Variants in KCNIP4 observed in about 807,000 individuals in gnomAD.
KCNIP4 encodes Kv channel-interacting protein 4.
In KCNIP4, 12 loss-of-function variants were observed where a neutral mutation model predicts 34.0. The observed-to-expected ratio is 0.35, with a 90% CI of 0.23 to 0.57. The LOEUF (loss-of-function observed/expected upper bound fraction) is 0.57, where lower values mean the gene tolerates loss of function less well. Among genes scored for constraint, KCNIP4 ranks in the 20% least tolerant of loss-of-function variants. The pLI is 0.83. For synonymous variants in KCNIP4, 124 were observed against 102.2 expected (o/e 1.21, Z -1.29); for missense variants, 238 against 311.7 (o/e 0.76, Z 1.78).
At chr4:21,290,724 C>G (rs531021987) in intron 1 of KCNIP4, among the ~76,000 whole-genome samples, 14 of 152,168 alleles carry the variant, frequency 9.2e-5, no homozygotes, top group African/African-American at 3.4e-4. Flanking sequence ...AGAGAGGAAA[C>G]CAAGCTTAGA....
At chr4:21,568,527 C>A (rs936802965) in intron 1 of KCNIP4, among the ~76,000 whole-genome samples, 2 of 152,116 alleles carry the variant, frequency 1.3e-5, no homozygotes, top group Non-Finnish European at 2.9e-5. Flanking sequence ...TCTGGGTGGG[C>A]ACCATCTAAT....
intron 1 of KCNIP4, among the ~76,000 whole-genome samples, chr4:21,870,548 A>G (rs1725728069): frequency 2.6e-5 from 4 of 152,246 alleles, no homozygotes. Flanking sequence ...CTGCTTTTGC[A>G]TACTTGACCT....
chr4:21,031,026 C>A (rs539617908), intron 1 of KCNIP4, among the ~76,000 whole-genome samples: 7 of 152,252 alleles, frequency 4.6e-5, no homozygotes, highest in Admixed American at 3.9e-4. Flanking sequence ...ATAGAAGCAA[C>A]CCTCATCCAA....
intron 1 of KCNIP4, among the ~76,000 whole-genome samples, chr4:21,722,935 G>A (rs893207357): frequency 6.6e-5 from 10 of 152,176 alleles, no homozygotes; most frequent in South Asian, 2.1e-4. Flanking sequence ...AAGATTCTCC[G>A]TGTTAACAAC....
chr4:21,321,385 G>A (rs1714397558), intron 1 of KCNIP4, among the ~76,000 whole-genome samples: 2 of 152,138 alleles, frequency 1.3e-5, no homozygotes, highest in Admixed American at 6.6e-5. Context: ...CCTATTATGT[G>A]GCTAAGTGAC....
At chr4:21,355,229 A>G (rs899124438) in intron 1 of KCNIP4, among the ~76,000 whole-genome samples, 20 of 152,192 alleles carry the variant, frequency 1.3e-4, no homozygotes, top group African/African-American at 4.3e-4. Context: ...ACCTAACATC[A>G]CAATTAAAAT....
rs201745735 is a variant in KCNIP4 at position 21,553,142 on chromosome 4, G to C, written c.61+395429C>G. On this transcript the variant is annotated intron_variant, in intron 1 of 8. Coordinates refer to ENST00000382152, the MANE Select transcript of KCNIP4 (RefSeq NM_025221.6). ...AGAAAATAACATCTGAAAGCTTAAA[G>C]GGGGGGGTCATAAAAGAGTTGGAAT... Among the ~76,000 whole-genome samples, 91 of 105,004 alleles carry C rather than the reference G, an allele frequency of 8.7e-4. 2 individuals carry two copies. The Admixed American group carries it at 0.01, about 12-fold the overall frequency. The allele number at this position is 105,004 out of a possible 152,430, so 68.9% of individuals were successfully genotyped here.
intron 1 of KCNIP4, among the ~76,000 whole-genome samples, chr4:21,457,696 G>A (rs916600293): frequency 1.3e-5 from 2 of 152,040 alleles, no homozygotes; most frequent in Admixed American, 6.6e-5. Flanking sequence ...GATGGAAGAA[G>A]TGAGGGTATG....
At chr4:20,942,592 G>A (rs1731753864) in intron 1 of KCNIP4, among the ~76,000 whole-genome samples, 2 of 152,172 alleles carry the variant, frequency 1.3e-5, no homozygotes, top group African/African-American at 4.8e-5. Context: ...TGACACTGAG[G>A]GAGGGTTAAA....
intron 1 of KCNIP4, among the ~76,000 whole-genome samples, chr4:21,253,068 C>T (rs1219786283): frequency 6.6e-6 from 1 of 152,320 alleles, no homozygotes; most frequent in East Asian, 1.9e-4. Context: ...CATCAAAAGA[C>T]ACACTCATAC....
intron 1 of KCNIP4, among the ~76,000 whole-genome samples, chr4:21,510,207 C>T (rs1487288847): frequency 1.3e-5 from 2 of 150,800 alleles, no homozygotes. Flanking sequence ...GCCTGTACTT[C>T]AAAAAAAACT....
chr4:21,184,635 G>A (rs1755082802), intron 1 of KCNIP4, among the ~76,000 whole-genome samples: 1 of 152,148 alleles, frequency 6.6e-6, no homozygotes, highest in African/African-American at 2.4e-5. Flanking sequence ...TTCGTTCTCT[G>A]CCATGATCAT....
At chr4:21,382,435 G>C (rs1253692702) in intron 1 of KCNIP4, among the ~76,000 whole-genome samples, 1 of 152,154 alleles carries the variant, frequency 6.6e-6, no homozygotes, top group South Asian at 2.1e-4. Context: ...GCAGTATAAT[G>C]ATCCAAGAGG....
intron 1 of KCNIP4, among the ~76,000 whole-genome samples, chr4:21,037,808 T>G (rs1296703064): frequency 2.0e-5 from 3 of 152,196 alleles, no homozygotes; most frequent in Non-Finnish European, 4.4e-5. Context: ...ACTTGGATTT[T>G]TTTTTTTACA....
intron 1 of KCNIP4, among the ~76,000 whole-genome samples, chr4:21,032,251 A>G (rs992742003): frequency 6.6e-6 from 1 of 152,004 alleles, no homozygotes; most frequent in Non-Finnish European, 1.5e-5. Context: ...CTTGACATGG[A>G]CTGTTTTGTG....
chr4:21,881,223 G>A (rs918305093), intron 1 of KCNIP4, among the ~76,000 whole-genome samples: 14 of 151,904 alleles, frequency 9.2e-5, no homozygotes, highest in Admixed American at 2.6e-4. Flanking sequence ...TTTGTTTTCC[G>A]CTAAAGACAT....
At chr4:20,920,936 C>T (rs1004893947) in intron 1 of KCNIP4, among the ~76,000 whole-genome samples, 1 of 152,124 alleles carries the variant, frequency 6.6e-6, no homozygotes, top group Non-Finnish European at 1.5e-5. Context: ...TTGCAGTGAG[C>T]CAAGTCACGC....
chr4:21,124,300 G>T (rs186619326), intron 1 of KCNIP4, among the ~76,000 whole-genome samples: 2 of 152,208 alleles, frequency 1.3e-5, no homozygotes, highest in East Asian at 3.9e-4. Context: ...TTGTCTTCAT[G>T]GATCCCCTGA....
rs1261403522 is a variant in KCNIP4 at position 21,159,557 on chromosome 4, G to A, written c.62-276848C>T. On this transcript the variant is annotated intron_variant, in intron 1 of 8. Coordinates refer to ENST00000382152, the MANE Select transcript of KCNIP4 (RefSeq NM_025221.6). The stretch of plus-strand genomic sequence containing the variant: ...GCCAGTGTGTGTGCGCACCGTGCGC[G>A]AGCCGAAGCAGGGCGAGGCATTGCC... Among the ~76,000 whole-genome samples, 20 of 38,920 alleles carry A rather than the reference G, an allele frequency of 5.1e-4. 2 individuals are homozygous for A. The highest frequency in any genetic ancestry group is 1.4e-3 in the African/African-American group (8 of 5,636). 25.5% of individuals were successfully genotyped at this position (38,920 alleles called of 152,430 possible).
Sources: allele counts gnomAD v4.1 joint callset (sites outside exome capture counted in the v4.1 genomes callset), GRCh38; gene constraint gnomAD v4.1.1; transcripts MANE v1.5; gene names NCBI Gene and HGNC (gene_info 2026-07-23, HGNC 2026-07-21).